The following PPM1E variants were observed in gnomAD, a reference collection of about 807,000 sequenced individuals.
PPM1E encodes protein phosphatase, Mg2+/Mn2+ dependent 1E.
Under a neutral mutation model 65.9 loss-of-function variants are expected in PPM1E, and 20 were observed. That is an observed-to-expected ratio of 0.30 (90% confidence interval 0.21 to 0.44). PPM1E has a LOEUF of 0.44. Ranked by LOEUF, PPM1E falls within the 20% of genes least tolerant of loss-of-function variation. PPM1E has a pLI of 1.00. For synonymous variants in PPM1E, 352 were observed against 374.9 expected, an observed-to-expected ratio of 0.94 and a Z score of 0.70; for missense variants, 713 against 953.1, an observed-to-expected ratio of 0.75 and a Z score of 3.32.
chr17:58,835,292 A>G (rs932280238), intron 1 of PPM1E, among the ~76,000 whole-genome samples: 5 of 152,134 alleles, frequency 3.3e-5, no homozygotes, highest in African/African-American at 1.2e-4. Context: ...AGTAAGCCAC[A>G]ATCATTTGTG....
At chr17:58,928,363 T>C (rs1176104856) in intron 1 of PPM1E, among the ~76,000 whole-genome samples, 2 of 151,906 alleles carry the variant, frequency 1.3e-5, no homozygotes, top group Non-Finnish European at 2.9e-5. Flanking sequence ...TGAAAGAAAT[T>C]ATTATATCTA....
chr17:58,836,889 G>A (rs866728555), intron 1 of PPM1E, among the ~76,000 whole-genome samples: 21 of 149,916 alleles, frequency 1.4e-4, no homozygotes, highest in African/African-American at 3.4e-4. Context: ...GCATGGTGGC[G>A]CGCGCCTGTA....
rs762438122 is a variant in PPM1E at position 58,983,171 on chromosome 17, G to A, written c.*2140G>A. The A allele has an allele frequency of 2.1e-5, 9 of 428,200 alleles. No homozygotes were observed. Among genetic ancestry groups the A allele is most frequent in the Admixed American group, 7.6e-5 (2 of 26,410 alleles). 26.5% of individuals were successfully genotyped at this position (428,200 alleles called of 1,614,324 possible). On this transcript the variant is annotated 3_prime_UTR_variant, in exon 7 of 7. Transcript: ENST00000308249. ...TTAGGGGTCTGGATTTTGTAGGTCC[G>A]ACTACACAGCAGTGTTAACTCATTT...
At chr17:58,832,184 T>A (rs2050612994) in intron 1 of PPM1E, among the ~76,000 whole-genome samples, 1 of 152,182 alleles carries the variant, frequency 6.6e-6, no homozygotes, top group African/African-American at 2.4e-5. Context: ...AGAGATAACC[T>A]AGTTTCTCTA....
intron 3 of PPM1E, among the ~76,000 whole-genome samples, chr17:58,967,245 T>C (rs958675827): frequency 1.3e-5 from 2 of 152,192 alleles, no homozygotes; most frequent in African/African-American, 4.8e-5. Flanking sequence ...AAAATAGAAA[T>C]GCAGAAAAGT....
chr17:58,919,827 C>T (rs1018922866), intron 1 of PPM1E, among the ~76,000 whole-genome samples: 4 of 152,018 alleles, frequency 2.6e-5, no homozygotes, highest in African/African-American at 9.7e-5. Flanking sequence ...AGTTCTTTCT[C>T]CCAGGTGCTA....
intron 1 of PPM1E, among the ~76,000 whole-genome samples, chr17:58,830,338 C>T (rs1395724481): frequency 1.5e-5 from 2 of 133,472 alleles, no homozygotes; most frequent in South Asian, 2.3e-4. Flanking sequence ...GATGGAGTCT[C>T]GCTCTGTCAT....
chr17:58,946,452 T>C (rs1193428124), intron 1 of PPM1E, among the ~76,000 whole-genome samples: 2 of 152,316 alleles, frequency 1.3e-5, no homozygotes, highest in East Asian at 3.8e-4. Context: ...ATTAGATATA[T>C]GATTTGCAAT....
rs2031350620 is a variant in PPM1E, at chr17:58,981,415, G to C, written c.*384G>C. The C allele has an allele frequency of 6.1e-6, 1 of 163,148 alleles. No homozygotes were observed. Among genetic ancestry groups the C allele is most frequent in the South Asian group, 1.9e-4 (1 of 5,146 alleles). The allele number at this position is 163,148 out of a possible 1,614,324, so 10.1% of individuals were successfully genotyped here. ...TGAAATCTCAATGCAGTTGAAATCT[G>C]GTCTGATGTGCCTAATTTATCTGTG... is the stretch of plus-strand genomic sequence containing the variant. On this transcript the variant is annotated 3_prime_UTR_variant, in exon 7 of 7. Transcript: ENST00000308249.
intron 1 of PPM1E, among the ~76,000 whole-genome samples, chr17:58,826,381 C>G (rs1389547010): frequency 6.6e-6 from 1 of 151,456 alleles, no homozygotes; most frequent in African/African-American, 2.4e-5. Context: ...CTGGACAGAT[C>G]CAGCTGTTGC....
At chr17:58,893,848 A>C (rs1598634440) in intron 1 of PPM1E, among the ~76,000 whole-genome samples, 2 of 152,130 alleles carry the variant, frequency 1.3e-5, no homozygotes, top group South Asian at 4.1e-4. Context: ...GAGGTGGAAG[A>C]ACTCCTGAAG....
intron 1 of PPM1E, among the ~76,000 whole-genome samples, chr17:58,831,090 A>C (rs1173370659): frequency 2.0e-5 from 3 of 150,516 alleles, no homozygotes. Context: ...AGCTCACTGC[A>C]ACCTCCGCCT....
At chr17:58,793,996 A>G (rs551787312) in intron 1 of PPM1E, among the ~76,000 whole-genome samples, 1 of 152,036 alleles carries the variant, frequency 6.6e-6, no homozygotes, top group Middle Eastern at 3.2e-3. Context: ...GGCATGCACC[A>G]CTGTGGCCTG....
At chr17:58,782,243 A>G (rs1029086220) in intron 1 of PPM1E, among the ~76,000 whole-genome samples, 1 of 152,204 alleles carries the variant, frequency 6.6e-6, no homozygotes, top group African/African-American at 2.4e-5. Context: ...ACAAAAAATA[A>G]GTAATCATGA....
At chr17:58,827,911 AAATAAT>A (rs34556547) in intron 1 of PPM1E, among the ~76,000 whole-genome samples, 10 of 144,698 alleles carry the variant, frequency 6.9e-5, no homozygotes, top group East Asian at 2.0e-4. Flanking sequence ...CAAAAAAAAA[AAATAAT>A]AATAATAATA....
At chr17:58,818,809 G>A (rs1439858317) in intron 1 of PPM1E, among the ~76,000 whole-genome samples, 1 of 152,206 alleles carries the variant, frequency 6.6e-6, no homozygotes, top group Non-Finnish European at 1.5e-5. Context: ...AAGAGTCTGT[G>A]ATAGTGCTTG....
intron 1 of PPM1E, among the ~76,000 whole-genome samples, chr17:58,931,659 G>T (rs995299215): frequency 2.0e-5 from 3 of 152,142 alleles, no homozygotes; most frequent in Non-Finnish European, 4.4e-5. Context: ...ATTCTCCTCA[G>T]TATATTTCAG....
chr17:58,790,512 C>T (rs1044878215), intron 1 of PPM1E, among the ~76,000 whole-genome samples: 5 of 152,160 alleles, frequency 3.3e-5, no homozygotes, highest in African/African-American at 7.2e-5. Context: ...ATTCCCCTCT[C>T]CTTGAATCTG....
At chr17:58,857,096 T>C (rs2050891114) in intron 1 of PPM1E, among the ~76,000 whole-genome samples, 1 of 152,188 alleles carries the variant, frequency 6.6e-6, no homozygotes, top group Non-Finnish European at 1.5e-5. Context: ...ATTTGAACCA[T>C]TTGAAAATAA....
Sources: allele counts gnomAD v4.1 joint callset (sites outside exome capture counted in the v4.1 genomes callset), GRCh38; gene constraint gnomAD v4.1.1; transcripts MANE v1.5; gene names NCBI Gene and HGNC (gene_info 2026-07-23, HGNC 2026-07-21).